SIRT4: variants seen among roughly 807,000 people sequenced by gnomAD.
SIRT4 encodes the protein NAD-dependent protein lipoamidase sirtuin-4, mitochondrial.
Under a neutral mutation model 26.1 loss-of-function variants are expected in SIRT4, and 23 were observed. The observed-to-expected ratio is 0.88, with a 90% confidence interval of 0.63 to 1.25. SIRT4 has a LOEUF of 1.25. Ranked by LOEUF, SIRT4 falls within the 50% of genes most tolerant of loss-of-function variation. The pLI is 0.00. For synonymous variants in SIRT4, 155 were observed against 158.4 expected (o/e 0.98, Z 0.16); for missense variants, 361 against 405.4 (o/e 0.89, Z 0.94).
the SIRT4 span, chr12:120,292,964 C>T: frequency 6.6e-6 from 1 of 152,108 alleles, no homozygotes; most frequent in South Asian, 2.1e-4. Context: ...GGTGCTCTCG[C>T]GAATCAGCTG....
Position 120,309,068 on chromosome 12 carries a change from A to G in SIRT4, c.498-3388A>G, listed in dbSNP as rs538287046. Among the ~76,000 whole-genome samples, 64 of 152,078 alleles carry G rather than the reference A, an allele frequency of 4.2e-4. 1 individual carries two copies. The highest frequency in any genetic ancestry group is 6.8e-3 in the Middle Eastern group (2 of 294). On this transcript the variant is annotated intron_variant, in intron 2 of 3. Coordinates refer to ENST00000202967, the MANE Select transcript of SIRT4 (RefSeq NM_012240.3). Reference sequence around the variant, plus strand: ...GTGGCACATGCCTGTAATCCCAGCTACTCGGGAGGCTGAGGCAGGAGAATC... The same window carrying G: ...GTGGCACATGCCTGTAATCCCAGCTGCTCGGGAGGCTGAGGCAGGAGAATC...
intron 2 of SIRT4, among the ~76,000 whole-genome samples, chr12:120,308,097 T>A (rs979227367): frequency 4.7e-5 from 7 of 149,688 alleles, no homozygotes; most frequent in African/African-American, 1.7e-4. Flanking sequence ...GCTCAAGCCC[T>A]CCTCCTGCCT....
chr12:120,304,973 G>A (rs1872698186), intron 2 of SIRT4, among the ~76,000 whole-genome samples: 1 of 151,010 alleles, frequency 6.6e-6, no homozygotes, highest in Admixed American at 6.6e-5. Flanking sequence ...GGTCAACATG[G>A]TGAAACCCCG....
intron 2 of SIRT4, among the ~76,000 whole-genome samples, chr12:120,307,478 G>A (rs1013708220): frequency 1.9e-4 from 29 of 149,466 alleles, no homozygotes; most frequent in Admixed American, 1.8e-3. Context: ...GACAGAGGGA[G>A]ATTGTCTCAA....
Position 120,303,767 on chromosome 12 carries a change from C to G in SIRT4, c.206C>G (p.Ser69Trp). The change falls in exon 2 of 4, where the codon TCG (serine) becomes TGG (tryptophan). Residue 69 changes from serine (S) to tryptophan (W), a missense_variant. Coordinates refer to ENST00000202967, the MANE Select transcript of SIRT4 (RefSeq NM_012240.3). ...ACTGGGGCAGGAATCTCCACCGAAT[C>G]GGGGATACCAGACTACAGGTCAGAA... is the stretch of plus-strand genomic sequence containing the variant. The part of the protein sequence containing the change: ...VMTGAGISTE[S>W]GIPDYRSEKV... 6.2e-7 allele frequency: 1 copy of G among 1,614,108 alleles called. No homozygotes were observed. Among genetic ancestry groups the G allele is most frequent in the Non-Finnish European group, 8.5e-7 (1 of 1,180,020 alleles).
At chr12:120,304,467 T>C (rs1872663454) in intron 2 of SIRT4, among the ~76,000 whole-genome samples, 2 of 151,828 alleles carry the variant, frequency 1.3e-5, no homozygotes, top group Admixed American at 1.3e-4. Flanking sequence ...CTGGCCAACA[T>C]GGTGAAACCC....
At chr12:120,298,350 C>G (rs879695701), upstream of SIRT4, among the ~76,000 whole-genome samples, 3 of 152,144 alleles carry the variant, frequency 2.0e-5, no homozygotes, top group East Asian at 5.8e-4. Flanking sequence ...AGCTCACGCC[C>G]GTAATCACAA....
chr12:120,312,327 G>A, intron 2 of SIRT4, 129 bp from the exon 3 acceptor site: 1 of 848,210 alleles, frequency 1.2e-6, no homozygotes. Context: ...GCTAAAATGG[G>A]GTGGGGATTG....
At chr12:120,302,921 C>A (rs1872599563) in intron 1 of SIRT4, among the ~76,000 whole-genome samples, 1 of 150,558 alleles carries the variant, frequency 6.6e-6, no homozygotes, top group Non-Finnish European at 1.5e-5. Flanking sequence ...CGGGGTTTCA[C>A]CATGTTGGCC....
chr12:120,306,173 A>T (rs1026862976), intron 2 of SIRT4, among the ~76,000 whole-genome samples: 1 of 149,898 alleles, frequency 6.7e-6, no homozygotes, highest in Non-Finnish European at 1.5e-5. Context: ...TCTACAAAAA[A>T]TTTTTTTAAG....
chr12:120,306,168 A>G (rs1872738077), intron 2 of SIRT4, among the ~76,000 whole-genome samples: 1 of 150,878 alleles, frequency 6.6e-6, no homozygotes, highest in Non-Finnish European at 1.5e-5. Context: ...CCGTCTCTAC[A>G]AAAAATTTTT....
At chr12:120,291,877 G>T in the SIRT4 span, 1 of 152,076 alleles carries the variant, frequency 6.6e-6, no homozygotes, top group Admixed American at 6.6e-5. Flanking sequence ...AACCTCATTG[G>T]CTACGATACT....
intron 2 of SIRT4, among the ~76,000 whole-genome samples, chr12:120,304,836 T>TATATATATATATATATATA: frequency 1.6e-4 from 1 of 6,434 alleles, no homozygotes; most frequent in Non-Finnish European, 2.6e-4. Context: ...TATATATATA[T>TATATATATATATATATATA]TTTTTTTTTT....
At chr12:120,300,264 C>A (rs1448562866), upstream of SIRT4, among the ~76,000 whole-genome samples, 1 of 151,606 alleles carries the variant, frequency 6.6e-6, no homozygotes, top group Non-Finnish European at 1.5e-5. Flanking sequence ...TGCACTCCAG[C>A]CTGGGTGACA....
chr12:120,292,752 G>A, the SIRT4 span, among the ~76,000 whole-genome samples: 3 of 149,086 alleles, frequency 2.0e-5, no homozygotes, highest in African/African-American at 7.5e-5. Flanking sequence ...GGCAAAGTTT[G>A]CAGCGAGCCG....
chr12:120,293,096 G>C, the SIRT4 span: 8 of 152,102 alleles, frequency 5.3e-5, no homozygotes, highest in East Asian at 1.9e-4. Flanking sequence ...AGAAAATTCA[G>C]TCTCCGTAGA....
the SIRT4 span, among the ~76,000 whole-genome samples, chr12:120,292,186 A>G: frequency 8.1e-3 from 1,241 of 152,296 alleles, 14 homozygotes; most frequent in African/African-American, 0.028. Flanking sequence ...GAGCGAGGAG[A>G]GTGAGCAGTG....
the SIRT4 span, chr12:120,291,997 G>C: frequency 6.6e-6 from 1 of 152,134 alleles, no homozygotes; most frequent in African/African-American, 2.4e-5. Context: ...TATACGACGT[G>C]TTCCCACTCC....
upstream of SIRT4, among the ~76,000 whole-genome samples, chr12:120,301,087 C>G (rs2136824694): frequency 6.6e-6 from 1 of 152,328 alleles, no homozygotes. Context: ...TGGCTTACGC[C>G]TGTAATCCCA....
Sources: gnomAD v4.1 joint callset for allele counts (sites outside exome capture counted in the v4.1 genomes callset) on GRCh38, gnomAD v4.1.1 for gene constraint, MANE v1.5 for transcripts, NCBI Gene and HGNC (gene_info 2026-07-23, HGNC 2026-07-21) for gene names.